CACNA1H: variants seen among roughly 807,000 people sequenced by gnomAD.
CACNA1H encodes the protein voltage-dependent T-type calcium channel subunit alpha-1H.
In CACNA1H, 149 loss-of-function variants were observed where a neutral mutation model predicts 192.5. The ratio of observed to expected loss-of-function variants is 0.77; its 90% confidence interval spans 0.68 to 0.89. CACNA1H has a LOEUF of 0.89. Among genes scored for constraint, CACNA1H ranks in the 40% least tolerant of loss-of-function variants. CACNA1H has a pLI of 0.00. For synonymous variants in CACNA1H, 2,202 were observed against 1,475.2 expected (o/e 1.49, Z -11.29); for missense variants, 4,257 against 3,423.5 (o/e 1.24, Z -6.08).
chr16:1,218,494 C>T lies in CACNA1H; in HGVS notation c.5730C>T (p.Asp1910=), dbSNP rs2745136. 0.61 allele frequency: 945,587 copies of T among 1,552,098 alleles called. 291,865 individuals are homozygous for T. Among genetic ancestry groups the T allele is most frequent in the East Asian group, 0.9 (36,814 of 41,018 alleles). The change falls in exon 33 of 35, where the codon GAC becomes GAT. Residue 1910 remains aspartate (D), a synonymous_variant. Transcript: ENST00000348261. ...CCCAGGAGAGTCCGGGCGCCAGGGACGCCCCAAACCTGGTTGCACGCAAGG... is the reference window on the plus strand; with the variant it reads ...CCCAGGAGAGTCCGGGCGCCAGGGATGCCCCAAACCTGGTTGCACGCAAGG... ...PLPQESPGAR[D]APNLVARKVS... is the part of the protein sequence containing the mutation.
chr16:1,158,404 C>T (rs1195126061), intron 2 of CACNA1H, among the ~76,000 whole-genome samples: 1 of 152,092 alleles, frequency 6.6e-6, no homozygotes, highest in African/African-American at 2.4e-5. Context: ...CTGGGGGCAG[C>T]TCATCCTTCC....
At position 1,213,700 on chromosome 16, in the gene CACNA1H, TAGG is replaced by T. The variant is rs1427217234; in HGVS notation, c.4778-74_4778-72del. On this transcript the variant is annotated intron_variant, in intron 26 of 34. Coordinates refer to ENST00000348261, the MANE Select transcript of CACNA1H (RefSeq NM_021098.3). ...AACTTCTACCCTACACTTGGCCACCTAGGAGGAGAATGGAGTCTGCAGGAGCCA... is the reference window on the plus strand; with the variant it reads ...AACTTCTACCCTACACTTGGCCACCTAGGAGAATGGAGTCTGCAGGAGCCA... The T allele has an allele frequency of 9.5e-6, 11 of 1,161,504 alleles. No homozygotes were observed. In the East Asian group the frequency reaches 1.3e-4, roughly 14 times the overall value. The allele number at this position is 1,161,504 out of a possible 1,614,324, so 71.9% of individuals were successfully genotyped here.
intron 30 of CACNA1H, 126 bp downstream of exon 30, chr16:1,215,719 GCGTCCCTGC>G: frequency 1.2e-6 from 1 of 808,428 alleles, no homozygotes; most frequent in Non-Finnish European, 2.0e-6. Context: ...GGCTGAAGCT[GCGTCCCTGC>G]TGTGTGCAGT....
chr16:1,173,730 A>G (rs1964595389), intron 2 of CACNA1H, among the ~76,000 whole-genome samples: 1 of 152,224 alleles, frequency 6.6e-6, no homozygotes, highest in Admixed American at 6.5e-5. Flanking sequence ...CCGTGCTGAG[A>G]ACCACTGGTC....
chr16:1,205,254 C>T lies in CACNA1H; in HGVS notation c.2592C>T (p.Ile864=), dbSNP rs538692134. The change falls in exon 11 of 35, where the codon ATC becomes ATT. Residue 864 remains isoleucine (I), a synonymous_variant. Transcript: ENST00000348261. ...RNPYNIFDGI[I]VVISVWEIVG... Reference sequence around the variant, plus strand: ...CGTACAACATCTTCGACGGCATCATCGTGGTCATCAGGTGGGTCCCCACCC... The same window carrying T: ...CGTACAACATCTTCGACGGCATCATTGTGGTCATCAGGTGGGTCCCCACCC... The T allele has an allele frequency of 1.3e-5, 21 of 1,607,172 alleles. No individual in the cohort carries two copies. Among genetic ancestry groups the T allele is most frequent in the African/African-American group, 2.7e-5 (2 of 74,958 alleles).
chr16:1,204,154 G>A lies in CACNA1H; in HGVS notation c.2147G>A (p.Gly716Asp), dbSNP rs1968357699. 4 of 1,612,254 alleles carry A rather than the reference G, an allele frequency of 2.5e-6. No homozygotes were observed. Among genetic ancestry groups the A allele is most frequent in the South Asian group, 2.2e-5 (2 of 91,070 alleles). Residue 716 changes from glycine to aspartate, a missense_variant, in exon 10 of 35, where the codon GGC becomes GAC. Gly to Asp is a moderately conservative substitution (Grantham distance 94, BLOSUM62 -1). Transcript: ENST00000348261. ...GAGGACCCGGAGGGTGAGCTCAGCG[G>A]CTCGGAAAGTGGAGACTCAGATGGC... The part of the protein sequence containing the change: ...ALEDPEGELS[G>D]SESGDSDGRG...
chr16:1,163,765 G>A (rs1963465437), intron 2 of CACNA1H, among the ~76,000 whole-genome samples: 2 of 152,214 alleles, frequency 1.3e-5, no homozygotes, highest in South Asian at 4.1e-4. Flanking sequence ...AAGCCCACTG[G>A]GCCACGGGCT....
chr16:1,174,073 G>T (rs1964630381), intron 2 of CACNA1H, among the ~76,000 whole-genome samples: 1 of 152,204 alleles, frequency 6.6e-6, no homozygotes. Flanking sequence ...CTGATACGGG[G>T]AGCTGTCACC....
intron 2 of CACNA1H, among the ~76,000 whole-genome samples, chr16:1,178,373 C>T (rs1965128427): frequency 6.8e-6 from 1 of 146,722 alleles, no homozygotes; most frequent in Admixed American, 6.9e-5. Flanking sequence ...AGAGTCCTAA[C>T]CCACCCCCGA....
chr16:1,185,476 C>T (rs976272274), intron 2 of CACNA1H, among the ~76,000 whole-genome samples: 23 of 149,810 alleles, frequency 1.5e-4, no homozygotes, highest in Non-Finnish European at 3.1e-4. Flanking sequence ...GCCAGACTCC[C>T]ACATGGACGC....
chr16:1,206,118 T>C lies in CACNA1H; in HGVS notation c.2618T>C (p.Val873Ala). Reference sequence around the variant, plus strand: ...CCTGTCCGCAGCGTCTGGGAGATCGTGGGGCAGGCGGACGGTGGCTTGTCT... The same window carrying C: ...CCTGTCCGCAGCGTCTGGGAGATCGCGGGGCAGGCGGACGGTGGCTTGTCT... The part of the protein sequence containing the change: ...IIVVISVWEI[V>A]GQADGGLSVL... Residue 873 changes from valine to alanine, a missense_variant, in exon 12 of 35, where the codon GTG becomes GCG. Val to Ala is a moderately conservative substitution (Grantham distance 64). Coordinates refer to ENST00000348261, the MANE Select transcript of CACNA1H (RefSeq NM_021098.3). 1 of 1,582,720 alleles carries C rather than the reference T, an allele frequency of 6.3e-7. No individual in the cohort carries two copies. Among genetic ancestry groups the C allele is most frequent in the South Asian group, 1.2e-5 (1 of 86,306 alleles).
At chr16:1,198,523 T>G in intron 5 of CACNA1H, 92 bp from the exon 6 acceptor site, 1 of 1,423,930 alleles carries the variant, frequency 7.0e-7, no homozygotes, top group Non-Finnish European at 9.8e-7. Context: ...CTGTGAACAG[T>G]GGACGGGGCT....
At chr16:1,209,534 G>A (rs1364948670) in intron 17 of CACNA1H, 122 bp downstream of exon 17, 23 of 1,247,598 alleles carry the variant, frequency 1.8e-5, no homozygotes, top group Non-Finnish European at 2.5e-5. Flanking sequence ...CAGAAGGGGA[G>A]AGAAGCAGGC....
intron 6 of CACNA1H, among the ~76,000 whole-genome samples, chr16:1,199,445 C>A (rs1415695763): frequency 1.2e-5 from 1 of 82,988 alleles, no homozygotes; most frequent in African/African-American, 6.0e-5. Flanking sequence ...ACCGTGCGGT[C>A]GCTGCATATA....
At chr16:1,196,373 G>A (rs1010623770) in intron 5 of CACNA1H, among the ~76,000 whole-genome samples, 3 of 152,266 alleles carry the variant, frequency 2.0e-5, no homozygotes, top group African/African-American at 7.2e-5. Context: ...GCTGTCTGGC[G>A]CATCCTGGTG....
intron 25 of CACNA1H, 38 bp from the exon 26 acceptor site, chr16:1,212,473 A>G: frequency 1.3e-6 from 2 of 1,595,312 alleles, no homozygotes; most frequent in Non-Finnish European, 1.7e-6. Context: ...CGAGTGCGCC[A>G]CGCCCTCGGC....
At chr16:1,168,573 G>A (rs1164504984) in intron 2 of CACNA1H, among the ~76,000 whole-genome samples, 7 of 152,052 alleles carry the variant, frequency 4.6e-5, no homozygotes, top group Admixed American at 1.3e-4. Context: ...GTGACAGGTG[G>A]GGTCGTGGTG....
chr16:1,166,256 C>T (rs902484193), intron 2 of CACNA1H, among the ~76,000 whole-genome samples: 4 of 152,216 alleles, frequency 2.6e-5, no homozygotes, highest in African/African-American at 7.2e-5. Flanking sequence ...GGGGTCTTCA[C>T]TGGCTGCTCC....
At chr16:1,219,933 G>C (rs762086871) in intron 34 of CACNA1H, 48 bp from the exon 35 acceptor site, 2 of 1,257,888 alleles carry the variant, frequency 1.6e-6, no homozygotes, top group African/African-American at 3.1e-5. Flanking sequence ...GCCACTGACA[G>C]GGCTCTCCCA....
Sources: gnomAD v4.1 joint callset for allele counts (sites outside exome capture counted in the v4.1 genomes callset) on GRCh38, gnomAD v4.1.1 for gene constraint, MANE v1.5 for transcripts, NCBI Gene and HGNC (gene_info 2026-07-23, HGNC 2026-07-21) for gene names.